Variants in KDM4C observed in about 807,000 individuals in gnomAD.
KDM4C encodes the protein lysine-specific demethylase 4C.
In KDM4C, 81 loss-of-function variants were observed where a neutral mutation model predicts 129.3. The observed-to-expected ratio is 0.63, with a 90% confidence interval of 0.52 to 0.75. The LOEUF (loss-of-function observed/expected upper bound fraction) is 0.75. KDM4C is among the 30% of genes least tolerant of loss of function. The pLI, the probability that KDM4C is intolerant of heterozygous loss-of-function variation, is 0.00. For synonymous variants in KDM4C, 573 were observed against 456.1 expected (o/e 1.26, Z -3.26); for missense variants, 1,457 against 1,304.0 (o/e 1.12, Z -1.81).
chr9:7,071,797 T>C (rs1184771414), intron 17 of KDM4C, among the ~76,000 whole-genome samples: 3 of 152,152 alleles, frequency 2.0e-5, no homozygotes, highest in African/African-American at 7.2e-5. Context: ...AATACACTTC[T>C]GCTCTTTGAA....
At chr9:6,990,687 A>G (rs909014292) in intron 12 of KDM4C, among the ~76,000 whole-genome samples, 163 bp downstream of exon 12, 2 of 152,094 alleles carry the variant, frequency 1.3e-5, no homozygotes, top group African/African-American at 2.4e-5. Context: ...AGGAATTTGG[A>G]ACTTAGAGGT....
Position 6,887,975 on chromosome 9 carries a change from G to C in KDM4C, c.695G>C (p.Ser232Thr). 6.2e-7 allele frequency: 1 copy of C among 1,609,384 alleles called. No individual in the cohort carries two copies. Among genetic ancestry groups the C allele is most frequent in the Non-Finnish European group, 8.5e-7 (1 of 1,175,980 alleles). ...TTCTTTTTAGGTTTTTTCCCAAGCA[G>C]CTCCCAAGGGTGTGATGCATTTCTT... ...ERLAQGFFPS[S>T]SQGCDAFLRH... Residue 232 changes from serine to threonine, a missense_variant, in exon 7 of 22, where the codon AGC (serine) becomes ACC (threonine). Transcript: ENST00000381309.
In KDM4C at chr9:6,849,607, AT is replaced by A. The variant is rs1838462664; in HGVS notation, c.540del (p.Phe180LeufsTer45). On this transcript the variant is annotated frameshift_variant, in exon 5 of 22. Coordinates refer to ENST00000381309, the MANE Select transcript of KDM4C (RefSeq NM_015061.6). LOFTEE classifies it high-confidence loss of function. ...GAGGGTGTAAATACCCCATATCTCTATTTTGGCATGTGGAAGACCACGTTTG... is the reference window on the plus strand; with the variant it reads ...GAGGGTGTAAATACCCCATATCTCTATTTGGCATGTGGAAGACCACGTTTG... ...SIEGVNTPYL[Y>X]FGMWKTTFAW... 6.2e-7 allele frequency: 1 copy of A among 1,613,986 alleles called. No individual in the cohort carries two copies. The highest frequency in any genetic ancestry group is 8.5e-7 in the Non-Finnish European group (1 of 1,179,952).
At chr9:6,755,528 A>C (rs1330744148), upstream of KDM4C, among the ~76,000 whole-genome samples, 1 of 152,242 alleles carries the variant, frequency 6.6e-6, no homozygotes, top group Non-Finnish European at 1.5e-5. Context: ...AGCCTGGGCA[A>C]CAGAGTAAGA....
At chr9:7,071,128 T>A (rs934349597) in intron 17 of KDM4C, among the ~76,000 whole-genome samples, 5 of 152,142 alleles carry the variant, frequency 3.3e-5, no homozygotes, top group Non-Finnish European at 7.4e-5. Flanking sequence ...AATCTGTATG[T>A]TGAAAACTAT....
intron 17 of KDM4C, among the ~76,000 whole-genome samples, chr9:7,086,977 T>TACA (rs1249130348): frequency 6.6e-6 from 1 of 152,188 alleles, no homozygotes; most frequent in East Asian, 1.9e-4. Flanking sequence ...CTCTGCCCTG[T>TACA]GGTTGAAGAC....
At chr9:6,752,098 C>T (rs1377347365) in intron 1 of KDM4C, among the ~76,000 whole-genome samples, 1 of 150,348 alleles carries the variant, frequency 6.7e-6, no homozygotes, top group Non-Finnish European at 1.5e-5. Flanking sequence ...CTTTGGGAGG[C>T]CGAGACGGGC....
At chr9:6,844,038 T>C (rs1837432816) in intron 4 of KDM4C, among the ~76,000 whole-genome samples, 1 of 152,164 alleles carries the variant, frequency 6.6e-6, no homozygotes, top group African/African-American at 2.4e-5. Flanking sequence ...TCTCTCTCTT[T>C]ATTGCCCAGG....
At chr9:7,055,980 C>T (rs538641781) in intron 17 of KDM4C, among the ~76,000 whole-genome samples, 6 of 152,210 alleles carry the variant, frequency 3.9e-5, no homozygotes, top group African/African-American at 1.2e-4. Context: ...GAAGTAGTGT[C>T]GTAAAGGCAA....
Position 7,165,355 on chromosome 9 carries a change from C to T in KDM4C, c.2899C>T (p.Gln967Ter). The change falls in exon 20 of 22, where the codon CAG becomes TAG. Residue 967 changes from glutamine (Q) to a stop codon, truncating the protein, a stop_gained and splice_region_variant. Transcript: ENST00000381309. LOFTEE classifies it high-confidence loss of function. Reference sequence around the variant, plus strand: ...TGGATCAAATATTGCCCACATGTACCAGGTGGGTTCTTCCTTCTCTGTGAT... The same window carrying T: ...TGGATCAAATATTGCCCACATGTACTAGGTGGGTTCTTCCTTCTCTGTGAT... ...YFGSNIAHMY[Q>*]VEFEDGSQIA... The T allele has an allele frequency of 1.2e-6, 2 of 1,613,722 alleles. No individual in the cohort carries two copies. Among genetic ancestry groups the T allele is most frequent in the Non-Finnish European group, 1.7e-6 (2 of 1,179,798 alleles).
At chr9:6,859,803 T>G (rs1032060259) in intron 5 of KDM4C, among the ~76,000 whole-genome samples, 10 of 149,866 alleles carry the variant, frequency 6.7e-5, no homozygotes, top group African/African-American at 2.2e-4. Flanking sequence ...ATGCGGAGCT[T>G]GTAGCAAGCC....
At chr9:6,746,912 A>G (rs1003056883) in intron 1 of KDM4C, among the ~76,000 whole-genome samples, 1 of 143,056 alleles carries the variant, frequency 7.0e-6, no homozygotes, top group Non-Finnish European at 1.5e-5. Context: ...AGGCTGAGGC[A>G]GGAGAATGGC....
intron 6 of KDM4C, among the ~76,000 whole-genome samples, chr9:6,887,049 A>T (rs1302113480): frequency 2.0e-5 from 3 of 152,164 alleles, no homozygotes; most frequent in Non-Finnish European, 2.9e-5. Flanking sequence ...TGTCACACAT[A>T]TGCATTGCAT....
intron 8 of KDM4C, among the ~76,000 whole-genome samples, chr9:6,969,221 C>T (rs1831521861): frequency 1.3e-5 from 2 of 152,180 alleles, no homozygotes; most frequent in African/African-American, 4.8e-5. Context: ...TAGGCTTGAG[C>T]CACCGTGCTC....
intron 15 of KDM4C, among the ~76,000 whole-genome samples, chr9:7,033,946 A>G (rs1410016221): frequency 6.6e-6 from 1 of 151,908 alleles, no homozygotes; most frequent in South Asian, 2.1e-4. Context: ...GAAAAACTGC[A>G]GTGCAGGCAT....
chr9:6,839,495 C>T (rs949434723), intron 4 of KDM4C, among the ~76,000 whole-genome samples: 1 of 151,594 alleles, frequency 6.6e-6, no homozygotes, highest in Non-Finnish European at 1.5e-5. Context: ...CCGCCTCGGC[C>T]TCCCAAAATG....
intron 2 of KDM4C, among the ~76,000 whole-genome samples, chr9:6,800,087 G>A (rs887194372): frequency 6.6e-6 from 1 of 152,070 alleles, no homozygotes; most frequent in African/African-American, 2.4e-5. Context: ...AATAAAAAAG[G>A]CCAGGCACAG....
At chr9:7,159,302 C>T (rs1359570042) in intron 19 of KDM4C, among the ~76,000 whole-genome samples, 3 of 152,128 alleles carry the variant, frequency 2.0e-5, no homozygotes, top group East Asian at 1.9e-4. Flanking sequence ...CAGTCTGTGT[C>T]TTTCAATTGG....
chr9:6,749,986 C>CAAA (rs57999664), intron 1 of KDM4C, among the ~76,000 whole-genome samples: 8 of 55,596 alleles, frequency 1.4e-4, no homozygotes, highest in Admixed American at 2.0e-4. Context: ...AACTCCTTCT[C>CAAA]AAAAAAAAAA....
Sources: gnomAD v4.1 joint callset for allele counts (sites outside exome capture counted in the v4.1 genomes callset) on GRCh38, gnomAD v4.1.1 for gene constraint, MANE v1.5 for transcripts, NCBI Gene and HGNC (gene_info 2026-07-23, HGNC 2026-07-21) for gene names.